Variants in LMAN1 observed in about 807,000 individuals in gnomAD.
The protein encoded by LMAN1 is lectin, mannose binding 1.
A neutral mutation model predicts 67.8 loss-of-function variants in LMAN1; 32 were observed. That is an observed-to-expected ratio of 0.47 (90% CI 0.36 to 0.63). The LOEUF is 0.63. Ranked by LOEUF, LMAN1 falls within the 30% of genes least tolerant of loss-of-function variation. LMAN1 has a pLI of 0.00. For synonymous variants in LMAN1, 235 were observed against 219.3 expected (o/e 1.07, Z -0.63); for missense variants, 632 against 628.2 (o/e 1.01, Z -0.06).
At position 59,359,260 on chromosome 18, in the gene LMAN1, G is replaced by C. The variant is rs939348560; in HGVS notation, c.-16C>G. ...ATCCCGCCATCTTGGATTCTGGAACGCGGAGGAGGGCGGGAGAGGGAGGGG... is the reference window on the plus strand; with the variant it reads ...ATCCCGCCATCTTGGATTCTGGAACCCGGAGGAGGGCGGGAGAGGGAGGGG... On this transcript the variant is annotated 5_prime_UTR_variant, in exon 1 of 13. Transcript: ENST00000251047. The C allele has an allele frequency of 3.0e-5, 49 of 1,612,378 alleles. No homozygotes were observed. The highest frequency in any genetic ancestry group is 4.1e-5 in the Non-Finnish European group (48 of 1,178,686).
chr18:59,357,144 AG>A (rs1908678159), intron 1 of LMAN1, among the ~76,000 whole-genome samples: 1 of 152,238 alleles, frequency 6.6e-6, no homozygotes, highest in South Asian at 2.1e-4. Context: ...GGATGTCTAT[AG>A]CAGAGATTCC....
intron 7 of LMAN1, among the ~76,000 whole-genome samples, chr18:59,346,850 T>C (rs1908420348): frequency 1.3e-5 from 2 of 151,554 alleles, no homozygotes; most frequent in Admixed American, 1.3e-4. Flanking sequence ...ACCACTACCA[T>C]TTACTGAGCA....
chr18:59,350,526 G>A lies in LMAN1; in HGVS notation c.640-1290C>T, dbSNP rs541836613. Reference sequence around the variant, plus strand: ...TATTTATTTTTTGAGACAGGGTCTCGCTCTGTCGCCCAGGCTGGAGTGCAG... The same window carrying A: ...TATTTATTTTTTGAGACAGGGTCTCACTCTGTCGCCCAGGCTGGAGTGCAG... On this transcript the variant is annotated intron_variant, in intron 5 of 12. Coordinates refer to ENST00000251047, the MANE Select transcript of LMAN1 (RefSeq NM_005570.4). Among the ~76,000 whole-genome samples the A allele has an allele frequency of 4.1e-4, 63 of 152,130 alleles. 3 individuals carry two copies. The South Asian group carries it at 0.01, about 25-fold the overall frequency.
intron 8 of LMAN1, among the ~76,000 whole-genome samples, chr18:59,339,550 G>A (rs1159277470): frequency 6.6e-6 from 1 of 152,172 alleles, no homozygotes; most frequent in Admixed American, 6.5e-5. Flanking sequence ...ATATGGAACT[G>A]CCTAAATATT....
chr18:59,352,443 T>G (rs1036747445), intron 5 of LMAN1, among the ~76,000 whole-genome samples: 1 of 152,226 alleles, frequency 6.6e-6, no homozygotes, highest in Non-Finnish European at 1.5e-5. Flanking sequence ...TAAACATTTT[T>G]AAAAGCTTCT....
intron 11 of LMAN1, 90 bp from the exon 12 acceptor site, chr18:59,331,629 A>G: frequency 7.1e-7 from 1 of 1,411,346 alleles, no homozygotes; most frequent in East Asian, 2.3e-5. Context: ...ACTGTTTGCT[A>G]TATAAACAAG....
At chr18:59,341,742 T>C (rs1908292745) in intron 8 of LMAN1, among the ~76,000 whole-genome samples, 1 of 151,896 alleles carries the variant, frequency 6.6e-6, no homozygotes, top group Admixed American at 6.6e-5. Flanking sequence ...AGTGGAAAGA[T>C]CGCAAACAAT....
In LMAN1 at chr18:59,337,370, T is replaced by C. The variant is rs1033211255; in HGVS notation, c.1220+1187A>G. Among the ~76,000 whole-genome samples, 5 of 152,146 alleles carry C rather than the reference T, an allele frequency of 3.3e-5. No individual in the cohort carries two copies. The East Asian group carries it at 7.7e-4, about 23-fold the overall frequency. On this transcript the variant is annotated intron_variant, in intron 10 of 12. Transcript: ENST00000251047. Reference sequence around the variant, plus strand: ...AAAAATAACTAAATGTAATGTGCGATTGTGGATGGGATCCTGGAATAGAAT... The same window carrying C: ...AAAAATAACTAAATGTAATGTGCGACTGTGGATGGGATCCTGGAATAGAAT...
chr18:59,345,618 C>T (rs1294038723), intron 8 of LMAN1, among the ~76,000 whole-genome samples: 1 of 152,184 alleles, frequency 6.6e-6, no homozygotes, highest in Non-Finnish European at 1.5e-5. Flanking sequence ...TTAGTGGTCA[C>T]AGCAATGAAT....
chr18:59,352,979 G>C (rs1908578292), intron 5 of LMAN1: 2 of 501,992 alleles, frequency 4.0e-6, no homozygotes, highest in Non-Finnish European at 7.4e-6. Context: ...ATACAGTAGG[G>C]GGCTTAAACA....
At chr18:59,355,716 TCATTTCCAAACTGC>T in intron 1 of LMAN1, 58 bp from the exon 2 acceptor site, 1 of 1,571,442 alleles carries the variant, frequency 6.4e-7, no homozygotes, top group Non-Finnish European at 8.7e-7. Context: ...AACTCAATGA[TCATTTCCAAACTGC>T]TAAATATACC....
chr18:59,345,196 T>TA (rs1168641110), intron 8 of LMAN1, among the ~76,000 whole-genome samples: 1 of 152,212 alleles, frequency 6.6e-6, no homozygotes, highest in Non-Finnish European at 1.5e-5. Flanking sequence ...GCATACTACA[T>TA]AGAGTTCAAA....
intron 7 of LMAN1, among the ~76,000 whole-genome samples, chr18:59,346,547 C>T (rs34494685): frequency 1.3e-5 from 2 of 150,112 alleles, no homozygotes; most frequent in South Asian, 4.2e-4. Context: ...TTGAGATGGA[C>T]TCTTACTTTG....
chr18:59,338,810 T>A lies in LMAN1; in HGVS notation c.1099A>T (p.Thr367Ser). The change falls in exon 9 of 13, where the codon ACA becomes TCA. Residue 367 changes from threonine to serine, a missense_variant. Thr to Ser is a moderately conservative substitution (Grantham distance 58, BLOSUM62 1). Coordinates refer to ENST00000251047, the MANE Select transcript of LMAN1 (RefSeq NM_005570.4). ...DEQRRYVSSL[T>S]EEISKRGAGM... is the part of the protein sequence containing the mutation. The stretch of plus-strand genomic sequence containing the variant: ...GCTCCTCTTTTAGAGATTTCCTCTG[T>A]TAAGGAAGAGACATATCTTCTCTGT... 6.2e-7 allele frequency: 1 copy of A among 1,614,120 alleles called. No homozygotes were observed. Among genetic ancestry groups the A allele is most frequent in the African/African-American group, 1.3e-5 (1 of 75,044 alleles).
At chr18:59,353,434 C>T (rs952279311) in intron 4 of LMAN1, 133 bp from the exon 5 acceptor site, 9 of 703,772 alleles carry the variant, frequency 1.3e-5, no homozygotes, top group African/African-American at 3.5e-5. Context: ...AAAGACTACA[C>T]GAGACTACAT....
chr18:59,342,158 A>C (rs1908302699), intron 8 of LMAN1, among the ~76,000 whole-genome samples: 1 of 152,098 alleles, frequency 6.6e-6, no homozygotes, highest in South Asian at 2.1e-4. Context: ...CAGATCAATA[A>C]TGAGTAGCAA....
Position 59,329,222 on chromosome 18 carries a change from G to C in LMAN1, c.*1871C>G, listed in dbSNP as rs1223976218. ...AAGATAAAAGGCTCATGCTCATGCT[G>C]TTTCATAATAGCCATCTCCATTTGT... On this transcript the variant is annotated 3_prime_UTR_variant, in exon 13 of 13. Coordinates refer to ENST00000251047, the MANE Select transcript of LMAN1 (RefSeq NM_005570.4). 1 of 152,180 alleles carries C rather than the reference G, an allele frequency of 6.6e-6. No homozygotes were observed. Among genetic ancestry groups the C allele is most frequent in the Non-Finnish European group, 1.5e-5 (1 of 68,026 alleles). 9.4% of individuals were successfully genotyped at this position (152,180 alleles called of 1,614,324 possible).
chr18:59,340,608 T>TA (rs1908266039), intron 8 of LMAN1, among the ~76,000 whole-genome samples: 1 of 152,092 alleles, frequency 6.6e-6, no homozygotes. Flanking sequence ...AATCCGTCAT[T>TA]ACCAGACCAG....
rs747955217 is a variant in LMAN1 at position 59,359,218 on chromosome 18, G to A, written c.27C>T (p.Leu9=). ...AGAACAGCGGCCGAACTCTGGCCCG[G>A]AGACCCCTTTGCCTGGATCCCGCCA... The part of the protein sequence containing the change: MAGSRQRG[L]RARVRPLFCA... Residue 9 remains leucine, a synonymous_variant, in exon 1 of 13, where the codon CTC becomes CTT. Coordinates refer to ENST00000251047, the MANE Select transcript of LMAN1 (RefSeq NM_005570.4). 1.2e-6 allele frequency: 2 copies of A among 1,613,938 alleles called. No individual in the cohort carries two copies. The highest frequency in any genetic ancestry group is 1.1e-5 in the South Asian group (1 of 91,048).
Sources: allele counts gnomAD v4.1 joint callset (sites outside exome capture counted in the v4.1 genomes callset), GRCh38; gene constraint gnomAD v4.1.1; transcripts MANE v1.5; gene names NCBI Gene and HGNC (gene_info 2026-07-23, HGNC 2026-07-21).